The following TMEM132D variants were observed in gnomAD, a reference collection of about 807,000 sequenced individuals.
TMEM132D encodes the protein transmembrane protein 132D.
A neutral mutation model predicts 62.3 loss-of-function variants in TMEM132D; 21 were observed. The ratio of observed to expected loss-of-function variants is 0.34; its 90% CI spans 0.24 to 0.49. TMEM132D has a LOEUF of 0.49. TMEM132D is among the 20% of genes least tolerant of loss of function. The probability of loss-of-function intolerance (pLI) is 0.99; values close to 1 mark genes in which losing one functional copy is unlikely to be tolerated. For missense variants in TMEM132D, 1,346 were observed against 1,402.8 expected (o/e 0.96, Z 0.65); for synonymous variants, 621 against 575.6 (o/e 1.08, Z -1.13).
At chr12:129,480,919 A>T (rs893801150) in intron 3 of TMEM132D, among the ~76,000 whole-genome samples, 31 of 152,214 alleles carry the variant, frequency 2.0e-4, no homozygotes, top group African/African-American at 7.0e-4. Context: ...TGTGTGGAGC[A>T]GAGTTTTGGA....
Position 129,718,958 on chromosome 12 carries a change from G to A in TMEM132D, c.80-18260C>T, listed in dbSNP as rs10847927. Among the ~76,000 whole-genome samples the A allele has an allele frequency of 7.2e-5, 11 of 151,856 alleles. 1 individual carries two copies. Among genetic ancestry groups the A allele is most frequent in the African/African-American group, 1.9e-4 (8 of 41,406 alleles). The stretch of plus-strand genomic sequence containing the variant: ...CTTAATAAGAAAGCCACCCATGGGC[G>A]GGGTATGGTGGCTCATGCCTGTAAT... On this transcript the variant is annotated intron_variant, in intron 1 of 8. Transcript: ENST00000422113.
chr12:129,263,189 C>A (rs760095697), intron 4 of TMEM132D, among the ~76,000 whole-genome samples: 1 of 152,126 alleles, frequency 6.6e-6, no homozygotes, highest in Non-Finnish European at 1.5e-5. Context: ...TCAGACCTCA[C>A]GGTGGGAAGT....
intron 3 of TMEM132D, among the ~76,000 whole-genome samples, chr12:129,526,037 G>A (rs1326229901): frequency 6.6e-6 from 1 of 152,112 alleles, no homozygotes; most frequent in East Asian, 1.9e-4. Context: ...ACAGCCTGCT[G>A]GAAAATTAAC....
At chr12:129,876,430 T>C (rs899868683) in intron 1 of TMEM132D, among the ~76,000 whole-genome samples, 4 of 152,362 alleles carry the variant, frequency 2.6e-5, no homozygotes, top group South Asian at 2.1e-4. Context: ...CTAAGGATTA[T>C]TGGTTGACTG....
At chr12:129,562,416 G>A (rs866461291) in intron 2 of TMEM132D, among the ~76,000 whole-genome samples, 3 of 152,264 alleles carry the variant, frequency 2.0e-5, no homozygotes, top group Admixed American at 1.3e-4. Flanking sequence ...TTATTAAACA[G>A]ATCATTTTAC....
intron 4 of TMEM132D, among the ~76,000 whole-genome samples, chr12:129,295,774 A>G (rs948839930): frequency 2.6e-5 from 4 of 152,170 alleles, no homozygotes; most frequent in African/African-American, 9.7e-5. Flanking sequence ...ACCTTTGTAC[A>G]TCTGATTATA....
rs796749878 is a variant in TMEM132D, at chr12:129,190,288, CA to C, written c.1443+19231del. On this transcript the variant is annotated intron_variant, in intron 5 of 8. Transcript: ENST00000422113. ...GGCCTGCAGATGGAGGGAGGGGTCT[CA>C]GGCCTGCAGATGGAGGGAGGGGTCT... Among the ~76,000 whole-genome samples, 4 of 17,386 alleles carry C rather than the reference CA, an allele frequency of 2.3e-4. 2 individuals are homozygous for C. Among genetic ancestry groups the C allele is most frequent in the Admixed American group, 1.2e-3 (2 of 1,642 alleles). 11.4% of individuals were successfully genotyped at this position (17,386 alleles called of 152,430 possible).
At chr12:129,665,006 C>T (rs1441134528) in intron 2 of TMEM132D, among the ~76,000 whole-genome samples, 2 of 151,990 alleles carry the variant, frequency 1.3e-5, no homozygotes, top group African/African-American at 4.8e-5. Flanking sequence ...ACCCAGGCAT[C>T]CTGTCTCCAG....
intron 5 of TMEM132D, among the ~76,000 whole-genome samples, chr12:129,094,236 G>A (rs1389500707): frequency 6.6e-6 from 1 of 152,164 alleles, no homozygotes; most frequent in South Asian, 2.1e-4. Flanking sequence ...CCATCAGAGT[G>A]AACAGGCAAC....
intron 1 of TMEM132D, among the ~76,000 whole-genome samples, chr12:129,899,230 AGGAT>A (rs1354364571): frequency 1.4e-4 from 19 of 138,174 alleles, no homozygotes; most frequent in African/African-American, 9.2e-5. Context: ...GACAGATGGA[AGGAT>A]GGATGGATGG....
In TMEM132D at chr12:129,765,889, C is replaced by T. The variant is rs183338600; in HGVS notation, c.80-65191G>A. On this transcript the variant is annotated intron_variant, in intron 1 of 8. Coordinates refer to ENST00000422113, the MANE Select transcript of TMEM132D (RefSeq NM_133448.3). ...ATGGCCGATGAGCTGTGAAGCGGCA[C>T]GTGCTAGGAAGGGCTCTGCAGTAGG... Among the ~76,000 whole-genome samples, 29 of 152,218 alleles carry T rather than the reference C, an allele frequency of 1.9e-4. No individual in the cohort carries two copies. The East Asian group carries it at 4.6e-3, about 24-fold the overall frequency.
intron 3 of TMEM132D, among the ~76,000 whole-genome samples, chr12:129,427,623 G>C (rs987954985): frequency 6.6e-6 from 1 of 151,990 alleles, no homozygotes; most frequent in Admixed American, 6.6e-5. Context: ...TAGTCATTCG[G>C]ATGCACTATG....
At chr12:129,138,045 T>C (rs1876636768) in intron 5 of TMEM132D, among the ~76,000 whole-genome samples, 1 of 152,214 alleles carries the variant, frequency 6.6e-6, no homozygotes. Flanking sequence ...AATTTTAGTT[T>C]AATTTGGGGA....
chr12:129,174,312 A>C (rs972673469), intron 5 of TMEM132D, among the ~76,000 whole-genome samples: 3 of 152,020 alleles, frequency 2.0e-5, no homozygotes, highest in African/African-American at 7.3e-5. Flanking sequence ...CGCACTTATG[A>C]GTGAGAACAT....
At chr12:129,901,611 C>T (rs1875354354) in intron 1 of TMEM132D, among the ~76,000 whole-genome samples, 1 of 152,146 alleles carries the variant, frequency 6.6e-6, no homozygotes, top group Non-Finnish European at 1.5e-5. Context: ...CCACATCACA[C>T]AGGACCTCAT....
intron 1 of TMEM132D, among the ~76,000 whole-genome samples, chr12:129,825,522 G>A (rs263294): frequency 0.99 from 151,368 of 152,254 alleles, 75,251 homozygotes; most frequent in East Asian, 1. Flanking sequence ...CATCGGTGAC[G>A]CCAGCCTCCC....
At chr12:129,824,068 G>A (rs1405967386) in intron 1 of TMEM132D, among the ~76,000 whole-genome samples, 1 of 152,166 alleles carries the variant, frequency 6.6e-6, no homozygotes, top group Non-Finnish European at 1.5e-5. Flanking sequence ...AGGTGAGACA[G>A]CTGAGGCACA....
chr12:129,299,364 T>C (rs923754311), intron 4 of TMEM132D, among the ~76,000 whole-genome samples: 2 of 151,830 alleles, frequency 1.3e-5, no homozygotes, highest in Non-Finnish European at 2.9e-5. Flanking sequence ...GAAATCCATA[T>C]GCAGACTTTT....
chr12:129,288,225 A>C (rs1029205882), intron 4 of TMEM132D, among the ~76,000 whole-genome samples: 6 of 152,254 alleles, frequency 3.9e-5, no homozygotes, highest in African/African-American at 1.4e-4. Context: ...AACAAAAGCA[A>C]AGACAGACAA....
Sources: allele counts gnomAD v4.1 joint callset (sites outside exome capture counted in the v4.1 genomes callset), GRCh38; gene constraint gnomAD v4.1.1; transcripts MANE v1.5; gene names NCBI Gene and HGNC (gene_info 2026-07-23, HGNC 2026-07-21).